Variants in CALD1 observed in about 807,000 individuals in gnomAD.
CALD1 encodes caldesmon 1, also known as caldesmon.
In CALD1, 33 loss-of-function variants were observed where a neutral mutation model predicts 99.9. The observed-to-expected ratio is 0.33, with a 90% CI of 0.25 to 0.44. The LOEUF (loss-of-function observed/expected upper bound fraction) is 0.44, where lower values mean the gene tolerates loss of function less well. Ranked by LOEUF, CALD1 falls within the 20% of genes least tolerant of loss-of-function variation. The probability of loss-of-function intolerance (pLI) is 1.00; values close to 1 mark genes in which losing one functional copy is unlikely to be tolerated. For missense variants in CALD1, 861 were observed against 962.1 expected (o/e 0.89, Z 1.39); for synonymous variants, 310 against 325.0 (o/e 0.95, Z 0.50).
At chr7:134,785,952 T>C (rs925435354) in intron 1 of CALD1, among the ~76,000 whole-genome samples, 2 of 152,170 alleles carry the variant, frequency 1.3e-5, no homozygotes, top group Admixed American at 6.5e-5. Context: ...AAGGAGTACA[T>C]ATAACTTTTC....
chr7:134,867,850 C>G (rs1360855787), intron 3 of CALD1, 46 bp downstream of exon 3: 1 of 1,301,114 alleles, frequency 7.7e-7, no homozygotes, highest in Non-Finnish European at 1.1e-6. Flanking sequence ...TATTAACAAC[C>G]TTGGTTTCAG....
intron 13 of CALD1, chr7:134,961,237 C>G (rs1808240287): frequency 6.6e-6 from 1 of 152,196 alleles, no homozygotes; most frequent in Admixed American, 6.5e-5. Flanking sequence ...TTAAGTGCAG[C>G]TATCTTACTA....
At chr7:134,943,246 G>C (rs1336361781) in intron 7 of CALD1, among the ~76,000 whole-genome samples, 1 of 147,936 alleles carries the variant, frequency 6.8e-6, no homozygotes, top group Non-Finnish European at 1.5e-5. Flanking sequence ...ATGGTCAAAG[G>C]CCTGATACTC....
intron 1 of CALD1, among the ~76,000 whole-genome samples, chr7:134,823,946 T>C (rs1798884833): frequency 6.6e-6 from 1 of 152,206 alleles, no homozygotes; most frequent in African/African-American, 2.4e-5. Flanking sequence ...ATATGATTTT[T>C]TAAATTGCCA....
At chr7:134,760,330 C>A (rs1186243215) in intron 1 of CALD1, among the ~76,000 whole-genome samples, 1 of 152,212 alleles carries the variant, frequency 6.6e-6, no homozygotes, top group Non-Finnish European at 1.5e-5. Context: ...AGAGGCAGAG[C>A]AGGCAGGGAG....
chr7:134,810,514 T>G (rs2131918384), intron 1 of CALD1, among the ~76,000 whole-genome samples: 1 of 152,104 alleles, frequency 6.6e-6, no homozygotes, highest in East Asian at 1.9e-4. Flanking sequence ...GGGACAAGAG[T>G]GTCCCCTGTG....
At chr7:134,825,875 G>A (rs973668431) in intron 1 of CALD1, among the ~76,000 whole-genome samples, 1 of 152,012 alleles carries the variant, frequency 6.6e-6, no homozygotes, top group East Asian at 1.9e-4. Flanking sequence ...GTATGCCGGG[G>A]AGAAATACAT....
chr7:134,930,073 T>C (rs973473473), intron 4 of CALD1, among the ~76,000 whole-genome samples: 4 of 152,160 alleles, frequency 2.6e-5, no homozygotes, highest in East Asian at 1.9e-4. Flanking sequence ...CCTGAATCAA[T>C]AGTCTCTGAT....
chr7:134,877,904 A>G (rs1169234561), intron 3 of CALD1, among the ~76,000 whole-genome samples: 2 of 152,320 alleles, frequency 1.3e-5, no homozygotes, highest in Admixed American at 6.5e-5. Context: ...ATCCCAAATT[A>G]CTAATTTATT....
chr7:134,936,978 A>G (rs1806031381), intron 6 of CALD1, among the ~76,000 whole-genome samples: 1 of 152,236 alleles, frequency 6.6e-6, no homozygotes, highest in Non-Finnish European at 1.5e-5. Flanking sequence ...AATACCTACA[A>G]ATTCATTTAC....
At position 134,910,652 on chromosome 7, in the gene CALD1, T is replaced by TAC. The variant is rs146858263; in HGVS notation, c.72-18085_72-18084dup. On this transcript the variant is annotated intron_variant, in intron 3 of 14. Coordinates refer to ENST00000361675, the MANE Select transcript of CALD1 (RefSeq NM_033138.4). ...AAGACTGATGGCACATGCACACACG[T>TAC]ACACACACACACACACACGCTCTTG... Among the ~76,000 whole-genome samples, 805 of 149,492 alleles carry TAC rather than the reference T, an allele frequency of 5.4e-3. 3 individuals are homozygous for TAC. Among genetic ancestry groups the TAC allele is most frequent in the African/African-American group, 9.0e-3 (367 of 40,958 alleles).
At chr7:134,744,584 G>A (rs1796618628) in intron 1 of CALD1, among the ~76,000 whole-genome samples, 1 of 151,654 alleles carries the variant, frequency 6.6e-6, no homozygotes, top group Non-Finnish European at 1.5e-5. Context: ...CATCACATAT[G>A]TAGATGTTAC....
At chr7:134,735,011 T>C in the CALD1 span, 1 of 256,182 alleles carries the variant, frequency 3.9e-6, no homozygotes, top group South Asian at 6.1e-5. Flanking sequence ...TTGGCCTCAG[T>C]GAACTCCATC....
At chr7:134,941,365 G>A (rs1220745447) in intron 7 of CALD1, 128 bp downstream of exon 7, 2 of 705,242 alleles carry the variant, frequency 2.8e-6, no homozygotes, top group Admixed American at 3.0e-5. Context: ...TTGTTGTGAG[G>A]TCATTAGCCA....
At chr7:134,869,001 A>T (rs1408039175) in intron 3 of CALD1, among the ~76,000 whole-genome samples, 1 of 152,250 alleles carries the variant, frequency 6.6e-6, no homozygotes, top group Non-Finnish European at 1.5e-5. Flanking sequence ...CATAAATGAT[A>T]GTTTTTCATA....
chr7:134,840,873 G>C (rs1286645218), intron 1 of CALD1, among the ~76,000 whole-genome samples: 1 of 151,872 alleles, frequency 6.6e-6, no homozygotes, highest in Non-Finnish European at 1.5e-5. Context: ...GCAAATAGTA[G>C]GTATTCAATA....
intron 1 of CALD1, among the ~76,000 whole-genome samples, chr7:134,817,220 G>GA: frequency 6.6e-6 from 1 of 152,284 alleles, no homozygotes; most frequent in South Asian, 2.1e-4. Flanking sequence ...TTAACAAACA[G>GA]AATCTCAACA....
chr7:134,855,653 GTTTAT>G, intron 2 of CALD1, among the ~76,000 whole-genome samples: 1 of 152,358 alleles, frequency 6.6e-6, no homozygotes, highest in East Asian at 1.9e-4. Context: ...TCTTGGAACT[GTTTAT>G]ATTCGGCTGC....
chr7:134,901,461 T>C (rs1372175506), intron 3 of CALD1, among the ~76,000 whole-genome samples: 3 of 152,022 alleles, frequency 2.0e-5, no homozygotes, highest in Non-Finnish European at 2.9e-5. Context: ...ACAATAATTA[T>C]TGCCATGAAC....
Sources: gnomAD v4.1 joint callset for allele counts (sites outside exome capture counted in the v4.1 genomes callset) on GRCh38, gnomAD v4.1.1 for gene constraint, MANE v1.5 for transcripts, NCBI Gene and HGNC (gene_info 2026-07-23, HGNC 2026-07-21) for gene names.